THOC2: variants seen among roughly 807,000 people sequenced by gnomAD.
The protein encoded by THOC2 is THO complex 2.
THOC2 carries 10 observed loss-of-function variants against 128.4 expected under a neutral mutation model. The observed-to-expected ratio is 0.08, with a 90% CI of 0.05 to 0.13. The LOEUF (loss-of-function observed/expected upper bound fraction) is 0.13, where lower values mean the gene tolerates loss of function less well. Ranked by LOEUF, THOC2 falls within the 10% of genes least tolerant of loss-of-function variation. THOC2 has a pLI of 1.00. For missense variants in THOC2, 535 were observed against 1,155.7 expected (o/e 0.46, Z 7.79); for synonymous variants, 393 against 396.9 (o/e 0.99, Z 0.12).
intron 37 of THOC2, 79 bp downstream of exon 37, chrX:123,611,361 A>G: frequency 9.1e-6 from 7 of 765,482 alleles, no homozygotes; most frequent in Non-Finnish European, 1.4e-5. Flanking sequence ...ACCACATACT[A>G]AAAGAGTACA....
chrX:123,636,272 T>C (rs1347914988), intron 18 of THOC2, 97 bp from the exon 19 acceptor site: 3 of 593,605 alleles, frequency 5.1e-6, no homozygotes, highest in Non-Finnish European at 8.0e-6. Flanking sequence ...GTAGCAATAA[T>C]TGTATTGCTG....
At chrX:123,638,737 C>T (rs1466697978) in intron 17 of THOC2, among the ~76,000 whole-genome samples, 197 bp downstream of exon 17, 1 of 104,987 alleles carries the variant, frequency 9.5e-6, no homozygotes, top group Non-Finnish European at 1.9e-5. Flanking sequence ...TACACACACA[C>T]ACACACACAC....
chrX:123,639,707 GCTCA>G (rs749933183), intron 16 of THOC2, among the ~76,000 whole-genome samples: 1 of 111,643 alleles, frequency 9.0e-6, no homozygotes, highest in East Asian at 2.8e-4. Context: ...TGGGTACTAT[GCTCA>G]CTATTTGGGT....
intron 26 of THOC2, 147 bp from the exon 27 acceptor site, chrX:123,624,338 A>C: frequency 1.4e-6 from 1 of 719,579 alleles, no homozygotes; most frequent in Non-Finnish European, 2.0e-6. Context: ...CAACTTATAC[A>C]AAGATACTAA....
intron 33 of THOC2, among the ~76,000 whole-genome samples, chrX:123,617,544 T>C (rs2046941795): frequency 9.0e-6 from 1 of 111,339 alleles, no homozygotes; most frequent in African/African-American, 3.3e-5. Flanking sequence ...TAGTTCATGT[T>C]TTGATACTAA....
At chrX:123,652,827 A>G (rs772910465) in intron 12 of THOC2, among the ~76,000 whole-genome samples, 2 of 112,116 alleles carry the variant, frequency 1.8e-5, no homozygotes, top group South Asian at 7.4e-4. Flanking sequence ...AAGAATCAAT[A>G]TCGTGAAAAT....
intron 1 of THOC2, among the ~76,000 whole-genome samples, chrX:123,731,979 G>A (rs2148013385): frequency 9.0e-6 from 1 of 111,576 alleles, no homozygotes; most frequent in East Asian, 2.8e-4. Flanking sequence ...GCGACCCAGA[G>A]AAGGAAATGA....
At chrX:123,608,047 C>T (rs1302947815) in intron 38 of THOC2, among the ~76,000 whole-genome samples, 2 of 110,364 alleles carry the variant, frequency 1.8e-5, no homozygotes, top group African/African-American at 3.3e-5. Context: ...CCAGGAGTTT[C>T]AGACCAGCCT....
At chrX:123,607,191 C>T (rs1468643838) in intron 38 of THOC2, among the ~76,000 whole-genome samples, 2 of 111,506 alleles carry the variant, frequency 1.8e-5, no homozygotes, top group South Asian at 3.8e-4. Flanking sequence ...AGAGAAGGAA[C>T]AGAGTTTTGC....
chrX:123,634,408 C>G (rs1049284675), intron 19 of THOC2, among the ~76,000 whole-genome samples: 1 of 110,638 alleles, frequency 9.0e-6, no homozygotes, highest in South Asian at 3.9e-4. Flanking sequence ...TCTCTGGAGC[C>G]CCTCTCTACA....
chrX:123,710,006 A>AG (rs1383629569), intron 2 of THOC2, among the ~76,000 whole-genome samples: 1 of 111,842 alleles, frequency 8.9e-6, no homozygotes, highest in African/African-American at 3.3e-5. Context: ...AATTAATTCA[A>AG]GGGAAGGGCA....
At chrX:123,628,116 T>A in intron 22 of THOC2, 148 bp from the exon 23 acceptor site, 2 of 495,529 alleles carry the variant, frequency 4.0e-6, no homozygotes, top group Admixed American at 7.9e-5. Context: ...TAGTTTCTTA[T>A]GAACAACGTT....
chrX:123,647,840 CAAA>C (rs60123342), intron 12 of THOC2, among the ~76,000 whole-genome samples: 2 of 37,521 alleles, frequency 5.3e-5, no homozygotes, highest in African/African-American at 2.1e-4. Flanking sequence ...GACTCTGTCT[CAAA>C]AAAAAAAAAA....
chrX:123,719,179 C>CAAAAA (rs757081039), intron 1 of THOC2, among the ~76,000 whole-genome samples: 1 of 53,505 alleles, frequency 1.9e-5, no homozygotes, highest in Non-Finnish European at 3.7e-5. Context: ...CTTCGTCTCC[C>CAAAAA]AAAAAAAAAA....
At chrX:123,621,624 T>C in intron 30 of THOC2, 37 bp from the exon 31 acceptor site, 1 of 960,496 alleles carries the variant, frequency 1.0e-6, no homozygotes, top group Non-Finnish European at 1.4e-6. Flanking sequence ...ACACAAATAA[T>C]CATAAAATAT....
chrX:123,722,344 A>G (rs914597853), intron 1 of THOC2, among the ~76,000 whole-genome samples: 1 of 112,123 alleles, frequency 8.9e-6, no homozygotes, highest in Non-Finnish European at 1.9e-5. Flanking sequence ...TAGACTGGAT[A>G]AAGAAAATGT....
intron 18 of THOC2, among the ~76,000 whole-genome samples, 176 bp from the exon 19 acceptor site, chrX:123,636,351 C>T (rs1024041304): frequency 8.9e-6 from 1 of 111,916 alleles, no homozygotes; most frequent in Non-Finnish European, 1.9e-5. Flanking sequence ...ATGTCAAGCA[C>T]TGTACCAAGC....
At chrX:123,627,535 C>T (rs147035879) in intron 23 of THOC2, among the ~76,000 whole-genome samples, 158 bp downstream of exon 23, 2 of 111,475 alleles carry the variant, frequency 1.8e-5, no homozygotes, top group Non-Finnish European at 3.8e-5. Context: ...AAACTCCTGG[C>T]CCCCCACTCA....
intron 8 of THOC2, among the ~76,000 whole-genome samples, chrX:123,678,360 C>T (rs2049600731): frequency 1.9e-5 from 2 of 107,127 alleles, no homozygotes; most frequent in African/African-American, 6.8e-5. Context: ...CCACCTCTCG[C>T]GTTCAAGTGA....
Sources: gnomAD v4.1 joint callset for allele counts (sites outside exome capture counted in the v4.1 genomes callset) on GRCh38, gnomAD v4.1.1 for gene constraint, MANE v1.5 for transcripts, NCBI Gene and HGNC (gene_info 2026-07-23, HGNC 2026-07-21) for gene names.